Variants in CNNM2 observed in about 807,000 individuals in gnomAD.
The protein encoded by CNNM2 is cyclin and CBS domain divalent metal cation transport mediator 2.
Under a neutral mutation model 66.9 loss-of-function variants are expected in CNNM2, and 12 were observed. The ratio of observed to expected loss-of-function variants is 0.18; its 90% CI spans 0.11 to 0.29. CNNM2 has a LOEUF of 0.29. CNNM2 is among the 10% of genes least tolerant of loss of function. The pLI, the probability that CNNM2 is intolerant of heterozygous loss-of-function variation, is 1.00. For synonymous variants in CNNM2, 557 were observed against 501.8 expected, an observed-to-expected ratio of 1.11 and a Z score of -1.47; for missense variants, 705 against 1,167.7, an observed-to-expected ratio of 0.60 and a Z score of 5.77.
intron 1 of CNNM2, among the ~76,000 whole-genome samples, chr10:102,975,430 T>C (rs1312813675): frequency 7.2e-6 from 1 of 139,134 alleles, no homozygotes; most frequent in African/African-American, 2.7e-5. Flanking sequence ...GAATTTGCTC[T>C]AGCAAGTTTA....
chr10:103,038,616 T>C (rs889940981), intron 1 of CNNM2, among the ~76,000 whole-genome samples: 1 of 152,168 alleles, frequency 6.6e-6, no homozygotes, highest in African/African-American at 2.4e-5. Flanking sequence ...TAGATTTTTT[T>C]AAAGAAACCA....
intron 1 of CNNM2, among the ~76,000 whole-genome samples, chr10:103,033,779 C>T (rs998782257): frequency 2.6e-5 from 4 of 152,166 alleles, no homozygotes; most frequent in Admixed American, 1.3e-4. Flanking sequence ...GCCACCGTGC[C>T]CAGCCCTTCT....
intron 1 of CNNM2, among the ~76,000 whole-genome samples, chr10:102,934,519 G>A (rs1393072637): frequency 6.6e-6 from 1 of 151,872 alleles, no homozygotes; most frequent in Non-Finnish European, 1.5e-5. Context: ...GACCTCAAAT[G>A]ATCCACCCAC....
At chr10:103,044,313 T>C (rs1200073045) in intron 1 of CNNM2, among the ~76,000 whole-genome samples, 1 of 152,100 alleles carries the variant, frequency 6.6e-6, no homozygotes, top group East Asian at 1.9e-4. Flanking sequence ...AAAAGTTGTT[T>C]ATTTGGGAGG....
intron 1 of CNNM2, among the ~76,000 whole-genome samples, chr10:102,938,915 T>C (rs1846335724): frequency 6.6e-6 from 1 of 152,064 alleles, no homozygotes; most frequent in Admixed American, 6.6e-5. Context: ...CAGCGATAGA[T>C]CTCTGAATAT....
intron 1 of CNNM2, among the ~76,000 whole-genome samples, chr10:103,042,731 A>C (rs2065063494): frequency 6.6e-6 from 1 of 152,222 alleles, no homozygotes; most frequent in African/African-American, 2.4e-5. Flanking sequence ...CAGTTTGTTC[A>C]CTTGTAAATC....
intron 1 of CNNM2, among the ~76,000 whole-genome samples, chr10:102,948,919 C>T (rs1431616193): frequency 2.6e-5 from 4 of 152,024 alleles, no homozygotes; most frequent in South Asian, 4.1e-4. Context: ...TCTTCATAAC[C>T]GGGGCCCGAA....
At chr10:102,950,669 G>A (rs1230098635) in intron 1 of CNNM2, among the ~76,000 whole-genome samples, 1 of 151,820 alleles carries the variant, frequency 6.6e-6, no homozygotes, top group Non-Finnish European at 1.5e-5. Flanking sequence ...CTGGAGGATC[G>A]CTTAAGCCCA....
At chr10:102,994,600 A>G (rs2063954990) in intron 1 of CNNM2, among the ~76,000 whole-genome samples, 1 of 152,356 alleles carries the variant, frequency 6.6e-6, no homozygotes, top group South Asian at 2.1e-4. Flanking sequence ...AAACCAACCC[A>G]GAACCACATG....
In CNNM2 at chr10:103,089,980, C is replaced by A; in HGVS notation, c.*12800C>A. 4.7e-6 allele frequency: 6 copies of A among 1,271,100 alleles called. No individual in the cohort carries two copies. The highest frequency in any genetic ancestry group is 6.5e-6 in the Non-Finnish European group (6 of 922,056). The allele number at this position is 1,271,100 out of a possible 1,614,324, so 78.7% of individuals were successfully genotyped here. ...AGCTACTCCCCAAATCCTAACCCCT[C>A]TCCTCTGTTAGGTGGCCATGCAATT... On this transcript the variant is annotated 3_prime_UTR_variant, in exon 8 of 8. Coordinates refer to ENST00000369878, the MANE Select transcript of CNNM2 (RefSeq NM_017649.5).
At position 102,935,158 on chromosome 10, in the gene CNNM2, CAAAA is replaced by C. The variant is rs71753183; in HGVS notation, c.1621+15078_1621+15081del. 1.2e-5 allele frequency among the ~76,000 whole-genome samples: 1 copy of C among 82,494 alleles called. No individual in the cohort carries two copies. The highest frequency in any genetic ancestry group is 2.4e-5 in the Non-Finnish European group (1 of 41,704). The allele number at this position is 82,494 out of a possible 152,430, so 54.1% of individuals were successfully genotyped here. On this transcript the variant is annotated intron_variant, in intron 1 of 7. Transcript: ENST00000369878. ...TGGGCGACAGAGCGAGACTCCATCTCAAAAAAAAAAAAAAAAAAAAAAAAGACTT... is the reference window on the plus strand; with the variant it reads ...TGGGCGACAGAGCGAGACTCCATCTCAAAAAAAAAAAAAAAAAAAAGACTT...
chr10:103,061,963 T>G (rs2065393447), intron 4 of CNNM2, among the ~76,000 whole-genome samples: 1 of 152,200 alleles, frequency 6.6e-6, no homozygotes, highest in Non-Finnish European at 1.5e-5. Flanking sequence ...TCCCCTCAAA[T>G]TTTTAACTGA....
chr10:102,935,885 T>A (rs1846222133), intron 1 of CNNM2, among the ~76,000 whole-genome samples: 1 of 151,122 alleles, frequency 6.6e-6, no homozygotes, highest in African/African-American at 2.4e-5. Context: ...TCCTAAAGTG[T>A]TGGGATTACG....
chr10:103,050,319 G>C (rs2065194794), intron 2 of CNNM2, among the ~76,000 whole-genome samples: 1 of 152,118 alleles, frequency 6.6e-6, no homozygotes, highest in Non-Finnish European at 1.5e-5. Flanking sequence ...ATCACCTGAG[G>C]TCAGGAGTTC....
At chr10:103,004,359 T>C (rs934278342) in intron 1 of CNNM2, among the ~76,000 whole-genome samples, 34 of 152,206 alleles carry the variant, frequency 2.2e-4, no homozygotes, top group Middle Eastern at 3.2e-3. Flanking sequence ...TAGGTAGTTT[T>C]CTTGTTTTTA....
intron 5 of CNNM2, among the ~76,000 whole-genome samples, chr10:103,069,209 G>C (rs187152130): frequency 6.6e-5 from 10 of 152,154 alleles, no homozygotes; most frequent in East Asian, 1.9e-4. Flanking sequence ...AGCAGTGCAC[G>C]TGTCCTTTCA....
chr10:102,936,191 C>T (rs1170083795), intron 1 of CNNM2, among the ~76,000 whole-genome samples: 1 of 152,006 alleles, frequency 6.6e-6, no homozygotes, highest in Non-Finnish European at 1.5e-5. Context: ...GGAGCCTCTG[C>T]GGAGTGGCGT....
intron 1 of CNNM2, among the ~76,000 whole-genome samples, chr10:102,950,962 A>G (rs1846803730): frequency 6.7e-6 from 1 of 150,246 alleles, no homozygotes; most frequent in South Asian, 2.1e-4. Context: ...CCTGGGGGCA[A>G]TAGGAATTCT....
intron 1 of CNNM2, among the ~76,000 whole-genome samples, chr10:102,977,637 A>G (rs908852664): frequency 3.9e-5 from 6 of 152,184 alleles, no homozygotes; most frequent in African/African-American, 1.4e-4. Flanking sequence ...CCTGACCAAC[A>G]TAATGAAATT....
Sources: gnomAD v4.1 joint callset for allele counts (sites outside exome capture counted in the v4.1 genomes callset) on GRCh38, gnomAD v4.1.1 for gene constraint, MANE v1.5 for transcripts, NCBI Gene and HGNC (gene_info 2026-07-23, HGNC 2026-07-21) for gene names.